The following MANSC1 variants were observed in gnomAD, a reference collection of about 807,000 sequenced individuals.
The protein encoded by MANSC1 is MANSC domain containing 1.
In MANSC1, 13 loss-of-function variants were observed where a neutral mutation model predicts 14.1. That is an observed-to-expected ratio of 0.92 (90% CI 0.60 to 1.46). The LOEUF (loss-of-function observed/expected upper bound fraction) is 1.46, where lower values mean the gene tolerates loss of function less well. MANSC1 is among the 40% of genes most tolerant of loss of function. The probability of loss-of-function intolerance (pLI) is 0.00; values close to 1 mark genes in which losing one functional copy is unlikely to be tolerated. For synonymous variants in MANSC1, 227 were observed against 200.7 expected, an observed-to-expected ratio of 1.13 and a Z score of -1.11; for missense variants, 486 against 511.4, an observed-to-expected ratio of 0.95 and a Z score of 0.48.
rs1189232513 is a variant in MANSC1, at chr12:12,329,273, A to T, written c.*754T>A. The stretch of plus-strand genomic sequence containing the variant: ...CTTATGAGAACACTACTGAGTAACA[A>T]AAGATTTATTCAAATATTTAATTGG... On this transcript the variant is annotated 3_prime_UTR_variant, in exon 4 of 4. Coordinates refer to ENST00000535902, the MANE Select transcript of MANSC1 (RefSeq NM_018050.4). 6.6e-6 allele frequency: 1 copy of T among 152,218 alleles called. No individual in the cohort carries two copies. The highest frequency in any genetic ancestry group is 1.5e-5 in the Non-Finnish European group (1 of 68,026). 9.4% of individuals were successfully genotyped at this position (152,218 alleles called of 1,614,324 possible).
At chr12:12,335,655 C>T (rs1169050726) in intron 3 of MANSC1, among the ~76,000 whole-genome samples, 1 of 151,594 alleles carries the variant, frequency 6.6e-6, no homozygotes, top group Non-Finnish European at 1.5e-5. Flanking sequence ...ACCAGCCTGG[C>T]CAACATGGCG....
chr12:12,332,768 C>A (rs528768319), intron 3 of MANSC1, among the ~76,000 whole-genome samples: 2 of 152,238 alleles, frequency 1.3e-5, no homozygotes, highest in East Asian at 3.9e-4. Context: ...TGATCCACCC[C>A]CTTCGGTCTC....
At chr12:12,338,689 T>C (rs989520730) in intron 2 of MANSC1, 129 bp from the exon 3 acceptor site, 1 of 829,342 alleles carries the variant, frequency 1.2e-6, no homozygotes, top group Non-Finnish European at 1.9e-6. Context: ...ACTTGCTTGC[T>C]GACCGCTGAA....
At chr12:12,338,015 T>C (rs1431081697) in intron 3 of MANSC1, among the ~76,000 whole-genome samples, 1 of 152,218 alleles carries the variant, frequency 6.6e-6, no homozygotes, top group African/African-American at 2.4e-5. Flanking sequence ...AAAAGTTTGA[T>C]TTCAGATAAT....
At chr12:12,345,376 A>G (rs1241835593) in intron 1 of MANSC1, among the ~76,000 whole-genome samples, 1 of 151,966 alleles carries the variant, frequency 6.6e-6, no homozygotes, top group East Asian at 1.9e-4. Flanking sequence ...AAACTGAGAT[A>G]GTCTTTCCTA....
chr12:12,338,090 C>G (rs1443639543), intron 3 of MANSC1, among the ~76,000 whole-genome samples: 1 of 152,156 alleles, frequency 6.6e-6, no homozygotes, highest in Non-Finnish European at 1.5e-5. Context: ...AAGTCTTCAC[C>G]CTTTCAAAAC....
chr12:12,343,363 C>T lies in MANSC1; in HGVS notation c.-49G>A, dbSNP rs1298203882. On this transcript the variant is annotated 5_prime_UTR_variant, in exon 2 of 4. Coordinates refer to ENST00000535902, the MANE Select transcript of MANSC1 (RefSeq NM_018050.4). ...TCTTCAAAGGTCAAGGATAATCCTC[C>T]CTCTGGTCTTAGTTTGCTTTAAGAA... 2.2e-6 allele frequency: 3 copies of T among 1,360,946 alleles called. No individual in the cohort carries two copies. The highest frequency in any genetic ancestry group is 1.7e-5 in the Admixed American group (1 of 58,086). 84.3% of individuals were successfully genotyped at this position (1,360,946 alleles called of 1,614,324 possible). A position where few individuals can be genotyped will look rare whatever the true frequency, so the allele number is the denominator to read the frequency against.
chr12:12,329,669 AG>A lies in MANSC1; in HGVS notation c.*357del, dbSNP rs1383069936. The A allele has an allele frequency of 2.9e-5, 5 of 171,288 alleles. No individual in the cohort carries two copies. Among genetic ancestry groups the A allele is most frequent in the African/African-American group, 1.2e-4 (5 of 41,870 alleles). 10.6% of individuals were successfully genotyped at this position (171,288 alleles called of 1,614,324 possible). ...GGGAGGCCGAGGAGGGTGGATCACT[AG>A]GTCAGGAGTTTGAGACCAGCCTGAC... On this transcript the variant is annotated 3_prime_UTR_variant, in exon 4 of 4. Transcript: ENST00000535902.
At position 12,331,953 on chromosome 12, in the gene MANSC1, GAC is replaced by G. The variant is rs201176074; in HGVS notation, c.365-997_365-996del. On this transcript the variant is annotated intron_variant, in intron 3 of 3. Coordinates refer to ENST00000535902, the MANE Select transcript of MANSC1 (RefSeq NM_018050.4). ...TTGAAATCATGATGACCACACTGTA[GAC>G]ACAGAGGGCAGAAAAACCATACAGT... Among the ~76,000 whole-genome samples the G allele has an allele frequency of 8.6e-3, 1,306 of 152,258 alleles. 18 individuals carry two copies. Among genetic ancestry groups the G allele is most frequent in the African/African-American group, 0.029 (1,208 of 41,528 alleles).
rs1862849141 is a variant in MANSC1, at chr12:12,335,646, C to T, written c.364+2774G>A. On this transcript the variant is annotated intron_variant, in intron 3 of 3. Coordinates refer to ENST00000535902, the MANE Select transcript of MANSC1 (RefSeq NM_018050.4). ...GAGTCAGGAGGTCAGGAATTTGAGA[C>T]CAGCCTGGCCAACATGGCGAGACCA... Among the ~76,000 whole-genome samples the T allele has an allele frequency of 2.0e-5, 3 of 151,352 alleles. 1 individual carries two copies. The South Asian group carries it at 6.3e-4, about 32-fold the overall frequency.
At chr12:12,339,113 C>T (rs2135993602) in intron 2 of MANSC1, 1 of 163,230 alleles carries the variant, frequency 6.1e-6, no homozygotes, top group East Asian at 1.8e-4. Flanking sequence ...CCGGCAAGCA[C>T]CAAAGAGGCT....
chr12:12,340,982 A>G (rs1862925606), intron 2 of MANSC1, among the ~76,000 whole-genome samples: 1 of 152,198 alleles, frequency 6.6e-6, no homozygotes, highest in Non-Finnish European at 1.5e-5. Context: ...TGTCTTCTCC[A>G]CACCATTTTG....
At chr12:12,342,288 C>T (rs1012510925) in intron 2 of MANSC1, among the ~76,000 whole-genome samples, 3 of 152,214 alleles carry the variant, frequency 2.0e-5, no homozygotes, top group African/African-American at 7.2e-5. Context: ...CCTTGTCCAT[C>T]TTATTCACTG....
At position 12,330,296 on chromosome 12, in the gene MANSC1, T is replaced by C. The variant is rs761172443; in HGVS notation, c.1027A>G (p.Met343Val). 8.7e-6 allele frequency: 14 copies of C among 1,614,234 alleles called. No individual in the cohort carries two copies. Among genetic ancestry groups the C allele is most frequent in the Middle Eastern group, 1.6e-4 (1 of 6,062 alleles). ...GNVYNPTALSMSNVESSTMNK... is the reference protein window; with the variant it reads ...GNVYNPTALSVSNVESSTMNK... ...ATAGTGGAAGACTCCACATTTGACA[T>C]AGAAAGTGCAGTAGGGTTATACACA... The change falls in exon 4 of 4, where the codon ATG (methionine) becomes GTG (valine). Residue 343 changes from methionine (M) to valine (V), a missense_variant. Coordinates refer to ENST00000535902, the MANE Select transcript of MANSC1 (RefSeq NM_018050.4).
intron 3 of MANSC1, among the ~76,000 whole-genome samples, chr12:12,334,190 G>GGCTGCAGTGAGCCATGATCGCGCC (rs1209872543): frequency 6.6e-6 from 1 of 151,696 alleles, no homozygotes; most frequent in Admixed American, 6.6e-5. Context: ...AGGAGGTGGA[G>GGCTGCAGTGAGCCATGATCGCGCC]GCTGCAGTGA....
intron 1 of MANSC1, chr12:12,348,253 A>C (rs1486584209): frequency 6.6e-6 from 1 of 152,196 alleles, no homozygotes; most frequent in African/African-American, 2.4e-5. Context: ...AAAAATCTGC[A>C]ATAGAATATT....
chr12:12,341,819 C>A (rs966022252), intron 2 of MANSC1, among the ~76,000 whole-genome samples: 1 of 152,220 alleles, frequency 6.6e-6, no homozygotes, highest in Admixed American at 6.5e-5. Flanking sequence ...GGTGAAACCA[C>A]GTCTCTATTG....
intron 2 of MANSC1, among the ~76,000 whole-genome samples, chr12:12,341,759 G>T (rs1194621014): frequency 6.6e-6 from 1 of 152,214 alleles, no homozygotes; most frequent in Non-Finnish European, 1.5e-5. Context: ...GGGAGGCCAA[G>T]GTGGGAGGAT....
In MANSC1 at chr12:12,330,565, G is replaced by A; in HGVS notation, c.758C>T (p.Ser253Leu). ...CTGGGAAGTCCCAGAAGGTGTCACT[G>A]AAGCATTGGTGGGTAGAAGGGTGGC... The part of the protein sequence containing the change: ...KPATLLPTNA[S>L]VTPSGTSQPQ... Residue 253 changes from serine (S) to leucine (L), a missense_variant, in exon 4 of 4, where the codon TCA becomes TTA. Coordinates refer to ENST00000535902, the MANE Select transcript of MANSC1 (RefSeq NM_018050.4). The A allele has an allele frequency of 6.2e-7, 1 of 1,614,236 alleles. No individual in the cohort carries two copies. Among genetic ancestry groups the A allele is most frequent in the Non-Finnish European group, 8.5e-7 (1 of 1,180,040 alleles).
Sources: gnomAD v4.1 joint callset for allele counts (sites outside exome capture counted in the v4.1 genomes callset) on GRCh38, gnomAD v4.1.1 for gene constraint, MANE v1.5 for transcripts, NCBI Gene and HGNC (gene_info 2026-07-23, HGNC 2026-07-21) for gene names.